The following ZFP69 variants were observed in gnomAD, a reference collection of about 807,000 sequenced individuals.
ZFP69 encodes the protein ZFP69 zinc finger protein.
Under a neutral mutation model 48.9 loss-of-function variants are expected in ZFP69, and 35 were observed. The ratio of observed to expected loss-of-function variants is 0.72; its 90% confidence interval spans 0.55 to 0.95. The LOEUF (loss-of-function observed/expected upper bound fraction) is 0.95. Ranked by LOEUF, ZFP69 falls within the 40% of genes least tolerant of loss-of-function variation. The pLI is 0.00. For synonymous variants in ZFP69, 193 were observed against 216.8 expected, an observed-to-expected ratio of 0.89 and a Z score of 0.96; for missense variants, 557 against 638.4, an observed-to-expected ratio of 0.87 and a Z score of 1.37.
intron 3 of ZFP69, among the ~76,000 whole-genome samples, chr1:40,482,802 G>T (rs1245806955): frequency 1.3e-5 from 2 of 152,138 alleles, no homozygotes; most frequent in African/African-American, 4.8e-5. Flanking sequence ...AATTCTAAGT[G>T]TTTATACATG....
intron 3 of ZFP69, among the ~76,000 whole-genome samples, chr1:40,482,728 G>A (rs1645454973): frequency 1.3e-5 from 2 of 152,230 alleles, no homozygotes; most frequent in South Asian, 2.1e-4. Flanking sequence ...CACGCAAAGT[G>A]GACTTCTGGA....
chr1:40,494,478 C>T (rs912903612), intron 5 of ZFP69, among the ~76,000 whole-genome samples: 4 of 145,650 alleles, frequency 2.7e-5, no homozygotes, highest in East Asian at 2.0e-4. Context: ...CCGTTTTAGC[C>T]GGGATGGTCT....
intron 3 of ZFP69, among the ~76,000 whole-genome samples, chr1:40,488,499 G>A (rs944347091): frequency 5.3e-5 from 8 of 152,190 alleles, no homozygotes; most frequent in Non-Finnish European, 7.4e-5. Context: ...GACAATAAGT[G>A]CGTGAGGTGG....
At chr1:40,478,596 AAATT>A (rs1318478431) in intron 1 of ZFP69, among the ~76,000 whole-genome samples, 2 of 152,198 alleles carry the variant, frequency 1.3e-5, no homozygotes, top group Non-Finnish European at 2.9e-5. Context: ...ATAACTTTAA[AAATT>A]AATACTATGA....
chr1:40,489,304 T>C lies in ZFP69; in HGVS notation c.346+90T>C. The C allele has an allele frequency of 7.3e-6, 11 of 1,497,992 alleles. No individual in the cohort carries two copies. In the South Asian group the frequency reaches 1.3e-4, roughly 17 times the overall value. The allele number at this position is 1,497,992 out of a possible 1,614,324, so 92.8% of individuals were successfully genotyped here. ...ATTGATGTGTAGATTCCTTGAGGCT[T>C]GATTTGGGTTCTGTATTAAAGATGT... On this transcript the variant is annotated intron_variant, in intron 4 of 5. Transcript: ENST00000372706.
intron 3 of ZFP69, among the ~76,000 whole-genome samples, chr1:40,482,067 C>T (rs1178376094): frequency 6.6e-6 from 1 of 150,888 alleles, no homozygotes; most frequent in African/African-American, 2.4e-5. Context: ...CTCCATGTCA[C>T]TCTTGTTTCT....
intron 3 of ZFP69, among the ~76,000 whole-genome samples, chr1:40,487,055 G>A (rs1645508028): frequency 2.0e-5 from 3 of 151,678 alleles, no homozygotes; most frequent in Non-Finnish European, 4.4e-5. Flanking sequence ...CTTCCGAGTA[G>A]CTGGGACTAC....
intron 3 of ZFP69, among the ~76,000 whole-genome samples, chr1:40,488,603 G>T (rs1222037242): frequency 6.6e-6 from 1 of 152,130 alleles, no homozygotes; most frequent in African/African-American, 2.4e-5. Flanking sequence ...CTCCAGCCAT[G>T]CTGTTCACTT....
intron 3 of ZFP69, among the ~76,000 whole-genome samples, chr1:40,484,808 C>G (rs767076247): frequency 2.4e-4 from 36 of 150,378 alleles, no homozygotes; most frequent in Non-Finnish European, 4.6e-4. Context: ...GTCTTGATCT[C>G]CTGACCTCGT....
Position 40,494,414 on chromosome 1 carries a change from G to A in ZFP69, c.443-507G>A, listed in dbSNP as rs532112328. On this transcript the variant is annotated intron_variant, in intron 5 of 5. Transcript: ENST00000372706. ...CTCCCGAGTAGCTGGGACTACAGGC[G>A]CCCGCCACTACGCCCGGCTAATTTT... Among the ~76,000 whole-genome samples the A allele has an allele frequency of 3.3e-4, 47 of 143,892 alleles. No individual in the cohort carries two copies. In the East Asian group the frequency reaches 6.0e-3, roughly 18 times the overall value. 94.4% of individuals were successfully genotyped at this position (143,892 alleles called of 152,430 possible).
rs775673778 is a variant in ZFP69 at position 40,495,749 on chromosome 1, C to T, written c.1271C>T (p.Ala424Val). 22 of 1,614,018 alleles carry T rather than the reference C, an allele frequency of 1.4e-5. No individual in the cohort carries two copies. The East Asian group carries it at 2.2e-4, about 16-fold the overall frequency. ...TACCKTFSHR[A>V]YLTHHQRIHT... ...TGTTGTAAAACCTTTAGTCATAGAG[C>T]GTATCTAACACATCACCAGAGAATC... Residue 424 changes from alanine (A) to valine (V), a missense_variant, in exon 6 of 6, where the codon GCG (alanine) becomes GTG (valine). Transcript: ENST00000372706.
chr1:40,487,995 C>T (rs910039979), intron 3 of ZFP69, among the ~76,000 whole-genome samples: 2 of 147,406 alleles, frequency 1.4e-5, no homozygotes, highest in East Asian at 4.0e-4. Flanking sequence ...GAGCTGAGCT[C>T]GCACCACTGC....
chr1:40,491,785 G>GTGTGTGTGTA (rs1553129570), intron 5 of ZFP69, among the ~76,000 whole-genome samples: 63 of 148,840 alleles, frequency 4.2e-4, no homozygotes, highest in African/African-American at 1.6e-3. Context: ...GTGTGTGTGT[G>GTGTGTGTGTA]TATATATATA....
At chr1:40,488,648 G>C (rs1199252957) in intron 3 of ZFP69, among the ~76,000 whole-genome samples, 1 of 152,152 alleles carries the variant, frequency 6.6e-6, no homozygotes, top group Non-Finnish European at 1.5e-5. Flanking sequence ...TGTCACCTTA[G>C]GTCCTTTGCA....
chr1:40,484,961 C>T (rs1414600946), intron 3 of ZFP69, among the ~76,000 whole-genome samples: 5 of 128,122 alleles, frequency 3.9e-5, no homozygotes, highest in East Asian at 2.6e-4. Flanking sequence ...GGCATGATCT[C>T]GGCTCACTGC....
chr1:40,494,007 T>G (rs1265924844), intron 5 of ZFP69, among the ~76,000 whole-genome samples: 1 of 152,084 alleles, frequency 6.6e-6, no homozygotes, highest in African/African-American at 2.4e-5. Context: ...AAGAGAAATA[T>G]ATATATATAC....
intron 3 of ZFP69, among the ~76,000 whole-genome samples, chr1:40,482,962 A>G (rs1645456988): frequency 6.6e-6 from 1 of 152,220 alleles, no homozygotes. Flanking sequence ...AGATTTGAAC[A>G]ACACTATCAA....
rs1645419627 is a variant in ZFP69 at position 40,479,216 on chromosome 1, C to G, written c.-146C>G. 2.0e-6 allele frequency: 2 copies of G among 1,013,962 alleles called. No homozygotes were observed. Among genetic ancestry groups the G allele is most frequent in the African/African-American group, 1.6e-5 (1 of 62,026 alleles). The allele number at this position is 1,013,962 out of a possible 1,614,324, so 62.8% of individuals were successfully genotyped here. Reference sequence around the variant, plus strand: ...AAGTCACATCAGTCTCTAGGAACCCCCAGGTCCTGGTGCTGCAGGGACACA... The same window carrying G: ...AAGTCACATCAGTCTCTAGGAACCCGCAGGTCCTGGTGCTGCAGGGACACA... On this transcript the variant is annotated 5_prime_UTR_variant, in exon 2 of 6. Coordinates refer to ENST00000372706, the MANE Select transcript of ZFP69 (RefSeq NM_001320179.2).
chr1:40,490,504 C>T (rs1386368834), intron 5 of ZFP69, among the ~76,000 whole-genome samples: 1 of 152,164 alleles, frequency 6.6e-6, no homozygotes, highest in Non-Finnish European at 1.5e-5. Context: ...CAAAAGTCCC[C>T]TGGAGTTGGA....
Sources: gnomAD v4.1 joint callset for allele counts (sites outside exome capture counted in the v4.1 genomes callset) on GRCh38, gnomAD v4.1.1 for gene constraint, MANE v1.5 for transcripts, NCBI Gene and HGNC (gene_info 2026-07-23, HGNC 2026-07-21) for gene names.